TCIRG1: variants seen among roughly 807,000 people sequenced by gnomAD.
TCIRG1 encodes the protein V-type proton ATPase 116 kDa subunit a 3.
In TCIRG1, 86 loss-of-function variants were observed where a neutral mutation model predicts 95.5. The observed-to-expected ratio is 0.90, with a 90% CI of 0.76 to 1.08. The LOEUF (loss-of-function observed/expected upper bound fraction) is 1.08. TCIRG1 is among the 50% of genes least tolerant of loss of function. The pLI is 0.00. For missense variants in TCIRG1, 1,069 were observed against 1,140.2 expected (o/e 0.94, Z 0.90); for synonymous variants, 499 against 501.3 (o/e 1.00, Z 0.06).
rs967962426 is a variant in TCIRG1 at position 68,042,805 on chromosome 11, C to T, written c.359C>T (p.Ala120Val). 3 of 1,548,396 alleles carry T rather than the reference C, an allele frequency of 1.9e-6. No individual in the cohort carries two copies. The highest frequency in any genetic ancestry group is 3.9e-5 in the Admixed American group (2 of 50,926). The change falls in exon 4 of 20, where the codon GCC (alanine) becomes GTC (valine). Residue 120 changes from alanine to valine, a missense_variant. Coordinates refer to ENST00000265686, the MANE Select transcript of TCIRG1 (RefSeq NM_006019.4). ...CGGGGCAACCAGCAGGCCCTGCGGG[C>T]CCAGCTGCACCAGCTGCAGCTCCAC... ...DVRGNQQALRAQLHQLQLHAA... is the reference protein window; with the variant it reads ...DVRGNQQALRVQLHQLQLHAA...
At position 68,049,298 on chromosome 11, in the gene TCIRG1, G is replaced by T; in HGVS notation, c.1887+4G>T. The T allele has an allele frequency of 6.2e-7, 1 of 1,604,638 alleles. No individual in the cohort carries two copies. On this transcript the variant is annotated splice_donor_region_variant and intron_variant, in intron 15 of 19. Transcript: ENST00000265686. ...CAGGCTGCTCTACCCCCGGCAGGTGGGCTGCGGCTGGTGGGGGCCGGGCTC... is the reference window on the plus strand; with the variant it reads ...CAGGCTGCTCTACCCCCGGCAGGTGTGCTGCGGCTGGTGGGGGCCGGGCTC...
At chr11:68,049,327 C>G in intron 15 of TCIRG1, 33 bp downstream of exon 15, 1 of 1,587,708 alleles carries the variant, frequency 6.3e-7, no homozygotes, top group Non-Finnish European at 8.6e-7. Context: ...CGGGCTCACA[C>G]GGCCTCATGG....
chr11:68,047,773 G>A lies in TCIRG1; in HGVS notation c.1432G>A (p.Val478Met), dbSNP rs781662187. 2 of 1,613,130 alleles carry A rather than the reference G, an allele frequency of 1.2e-6. No individual in the cohort carries two copies. Among genetic ancestry groups the A allele is most frequent in the East Asian group, 2.2e-5 (1 of 44,860 alleles). The change falls in exon 12 of 20, where the codon GTG becomes ATG. Residue 478 changes from valine (V) to methionine (M), a missense_variant. By Grantham distance (21) the Val-to-Met change is conservative. Coordinates refer to ENST00000265686, the MANE Select transcript of TCIRG1 (RefSeq NM_006019.4). ...CAGCATCTTCCCCTCGGGCTGGAGT[G>A]TGGCCGCCATGGCCAACCAGTCTGG... ...ATSIFPSGWS[V>M]AAMANQSGWS...
Position 68,042,840 on chromosome 11 carries a change from C to T in TCIRG1, c.394C>T (p.Leu132=), listed in dbSNP as rs1410683808. The change falls in exon 4 of 20, where the codon CTA becomes TTA. Residue 132 remains leucine, a synonymous_variant. Coordinates refer to ENST00000265686, the MANE Select transcript of TCIRG1 (RefSeq NM_006019.4). ...LHQLQLHAAV[L]RQGHEPQLAA... ...CCAGCTGCAGCTCCACGCCGCCGTG[C>T]TACGCCAGGGCCATGAACCTCAGGT... 2 of 1,549,040 alleles carry T rather than the reference C, an allele frequency of 1.3e-6. No homozygotes were observed. The highest frequency in any genetic ancestry group is 2.7e-5 in the African/African-American group (2 of 72,992).
In TCIRG1 at chr11:68,048,907, G is replaced by C. The variant is rs555362865; in HGVS notation, c.1583G>C (p.Ser528Thr). 5.3e-5 allele frequency: 86 copies of C among 1,612,924 alleles called. No homozygotes were observed. The Middle Eastern group carries it at 9.9e-4, about 19-fold the overall frequency. Residue 528 changes from serine (S) to threonine (T), a missense_variant, in exon 14 of 20, where the codon AGC becomes ACC. Transcript: ENST00000265686. ...TGGAGCCTGGCTGCCAACCACTTGA[G>C]CTTCCTCAACTCCTTCAAGATGAAG... ...PIWSLAANHLSFLNSFKMKMS... is the reference protein window; with the variant it reads ...PIWSLAANHLTFLNSFKMKMS...
chr11:68,048,059 G>A (rs1484024780), intron 13 of TCIRG1, 87 bp downstream of exon 13: 6 of 1,201,766 alleles, frequency 5.0e-6, no homozygotes, highest in African/African-American at 1.5e-5. Context: ...GTCCTGCAGC[G>A]CTGTCGCTGA....
At chr11:68,043,170 C>A in intron 5 of TCIRG1, 139 bp downstream of exon 5, 2 of 1,519,438 alleles carry the variant, frequency 1.3e-6, no homozygotes, top group Non-Finnish European at 1.8e-6. Context: ...AGGCCCGGAA[C>A]TTCCCACAGT....
chr11:68,050,395 C>A, intron 18 of TCIRG1, 92 bp from the exon 19 acceptor site: 1 of 1,608,966 alleles, frequency 6.2e-7, no homozygotes, highest in Non-Finnish European at 8.5e-7. Context: ...CGCTGGCCCC[C>A]CGTGCAGGGA....
intron 1 of TCIRG1, among the ~76,000 whole-genome samples, chr11:68,040,438 T>G (rs1349175859): frequency 1.3e-5 from 2 of 152,196 alleles, no homozygotes; most frequent in Non-Finnish European, 2.9e-5. Context: ...TTTCCCTGTT[T>G]AGAGTTAAGT....
At chr11:68,049,375 T>A (rs1855674795) in intron 15 of TCIRG1, 81 bp downstream of exon 15, 1 of 1,424,328 alleles carries the variant, frequency 7.0e-7, no homozygotes, top group Admixed American at 2.0e-5. Context: ...AGCTGCAAGA[T>A]CCTCGTCCGA....
intron 1 of TCIRG1, among the ~76,000 whole-genome samples, chr11:68,040,875 G>C (rs1423263636): frequency 6.6e-6 from 1 of 152,094 alleles, no homozygotes; most frequent in African/African-American, 2.4e-5. Context: ...AGCCACCCCC[G>C]GGGCAGCCCT....
rs903110153 is a variant in TCIRG1, at chr11:68,045,039, A to G, written c.1102A>G (p.Thr368Ala). The G allele has an allele frequency of 1.2e-6, 2 of 1,606,986 alleles. No individual in the cohort carries two copies. The highest frequency in any genetic ancestry group is 8.5e-7 in the Non-Finnish European group (1 of 1,179,976). ...PPTLIRTNRF[T>A]ASFQGIVDAY... ...CACACTCATCCGCACCAACCGCTTC[A>G]CGGCCAGCTTCCAGGGCATCGTGGA... Residue 368 changes from threonine (T) to alanine (A), a missense_variant, in exon 10 of 20, where the codon ACG becomes GCG. Thr to Ala is a moderately conservative substitution (Grantham distance 58). Transcript: ENST00000265686.
In TCIRG1 at chr11:68,047,818, C is replaced by T; in HGVS notation, c.1463+14C>T. The T allele has an allele frequency of 1.2e-6, 2 of 1,612,272 alleles. No individual in the cohort carries two copies. Among genetic ancestry groups the T allele is most frequent in the South Asian group, 2.2e-5 (2 of 91,026 alleles). On this transcript the variant is annotated intron_variant, in intron 12 of 19. Transcript: ENST00000265686. ...GTCTGGCTGGAGGTGAGGCCCGGGCCCCAGCCCGGCTGGGGGCCCCGCAGC... is the reference window on the plus strand; with the variant it reads ...GTCTGGCTGGAGGTGAGGCCCGGGCTCCAGCCCGGCTGGGGGCCCCGCAGC...
intron 13 of TCIRG1, 44 bp from the exon 14 acceptor site, chr11:68,048,835 G>T: frequency 3.6e-6 from 5 of 1,398,954 alleles, no homozygotes; most frequent in Non-Finnish European, 5.0e-6. Flanking sequence ...GGCAGTGATG[G>T]CGAGGGAGCC....
In TCIRG1 at chr11:68,050,875, T is replaced by C. The variant is rs1590820072; in HGVS notation, c.*56T>C. 1 of 1,580,676 alleles carries C rather than the reference T, an allele frequency of 6.3e-7. No individual in the cohort carries two copies. Among genetic ancestry groups the C allele is most frequent in the Admixed American group, 1.7e-5 (1 of 59,732 alleles). On this transcript the variant is annotated 3_prime_UTR_variant, in exon 20 of 20. Coordinates refer to ENST00000265686, the MANE Select transcript of TCIRG1 (RefSeq NM_006019.4). ...CCTGACCTCTGAGGCAGGAGAGGAA[T>C]AAAGACGGTCCGCCCTGGCAGTGAT...
intron 1 of TCIRG1, chr11:68,040,024 C>T (rs1304325250): frequency 6.6e-6 from 1 of 152,440 alleles, no homozygotes; most frequent in African/African-American, 2.4e-5. Context: ...TGGACTTTAC[C>T]TCTCCAAGTG....
Position 68,041,632 on chromosome 11 carries a change from G to A in TCIRG1, c.118-121G>A, listed in dbSNP as rs138949422. ...TGATCTGCGTCTTGTGGCTCCCAGG[G>A]CACTCCACACCTTTCTGGAGGAGGC... On this transcript the variant is annotated intron_variant, in intron 2 of 19. Coordinates refer to ENST00000265686, the MANE Select transcript of TCIRG1 (RefSeq NM_006019.4). 5.1e-4 allele frequency: 431 copies of A among 850,484 alleles called. 6 individuals carry two copies. The East Asian group carries it at 0.011, about 22-fold the overall frequency. The allele number at this position is 850,484 out of a possible 1,614,324, so 52.7% of individuals were successfully genotyped here. A position where few individuals can be genotyped will look rare whatever the true frequency, so the allele number is the denominator to read the frequency against.
chr11:68,048,794 G>C (rs758038394), intron 13 of TCIRG1, 85 bp from the exon 14 acceptor site: 1 of 1,003,654 alleles, frequency 1.0e-6, no homozygotes. Flanking sequence ...AAACAGGGTG[G>C]TGAGAGAGTG....
At position 68,050,245 on chromosome 11, in the gene TCIRG1, G is replaced by A; in HGVS notation, c.2227G>A (p.Ala743Thr). ...SYLRLWALSL[A>T]HAQLSEVLWA... ...CCTGCGCCTGTGGGCCCTGAGCCTG[G>A]CCCACGCCCGTGAGTGACCTGGCCA... The change falls in exon 18 of 20, where the codon GCC (alanine) becomes ACC (threonine). Residue 743 changes from alanine to threonine, a missense_variant. Coordinates refer to ENST00000265686, the MANE Select transcript of TCIRG1 (RefSeq NM_006019.4). 1.2e-6 allele frequency: 2 copies of A among 1,612,880 alleles called. No homozygotes were observed. Among genetic ancestry groups the A allele is most frequent in the Non-Finnish European group, 1.7e-6 (2 of 1,179,890 alleles).
Sources: gnomAD v4.1 joint callset for allele counts (sites outside exome capture counted in the v4.1 genomes callset) on GRCh38, gnomAD v4.1.1 for gene constraint, MANE v1.5 for transcripts, NCBI Gene and HGNC (gene_info 2026-07-23, HGNC 2026-07-21) for gene names.